LIPA: variants seen among roughly 807,000 people sequenced by gnomAD.
LIPA encodes the protein lysosomal acid lipase/cholesteryl ester hydrolase.
Under a neutral mutation model 40.6 loss-of-function variants are expected in LIPA, and 26 were observed. The ratio of observed to expected loss-of-function variants is 0.64; its 90% confidence interval spans 0.47 to 0.89. The LOEUF is 0.89. Ranked by LOEUF, LIPA falls within the 40% of genes least tolerant of loss-of-function variation. LIPA has a pLI of 0.00. For missense variants in LIPA, 455 were observed against 479.6 expected (o/e 0.95, Z 0.48); for synonymous variants, 188 against 168.4 (o/e 1.12, Z -0.90).
intron 2 of LIPA, among the ~76,000 whole-genome samples, chr10:89,385,385 A>T (rs369531512): frequency 6.6e-6 from 1 of 152,130 alleles, no homozygotes; most frequent in African/African-American, 2.4e-5. Context: ...CTATTCTTCC[A>T]CAACACATCC....
At chr10:89,233,523 C>T (rs1263120464) in intron 3 of LIPA, among the ~76,000 whole-genome samples, 5 of 152,218 alleles carry the variant, frequency 3.3e-5, no homozygotes, top group East Asian at 1.9e-4. Context: ...CATTACGTTT[C>T]GTGCAAACCT....
At chr10:89,392,751 T>G in intron 2 of LIPA, 1 of 1,610,888 alleles carries the variant, frequency 6.2e-7, no homozygotes, top group Non-Finnish European at 8.5e-7. Flanking sequence ...CCATAATGTC[T>G]AAAGTTTTTG....
At chr10:89,412,838 T>C (rs1564815553) in exon 2 of LIPA, 1 of 375,494 alleles carries the variant, frequency 2.7e-6, no homozygotes, top group Non-Finnish European at 5.3e-6. Flanking sequence ...AGGAACAAAC[T>C]CCAGACACGC....
intron 2 of LIPA, among the ~76,000 whole-genome samples, chr10:89,398,122 T>C (rs1371040462): frequency 6.6e-6 from 1 of 152,122 alleles, no homozygotes; most frequent in African/African-American, 2.4e-5. Context: ...CGGGAAAAAC[T>C]ATAGGGAAAG....
intron 1 of LIPA, among the ~76,000 whole-genome samples, chr10:89,271,465 C>A (rs60230809): frequency 0.012 from 1,819 of 152,224 alleles, 47 homozygotes; most frequent in African/African-American, 0.041. Context: ...AACCAGCAGG[C>A]TTAAAAAAGG....
At position 89,215,005 on chromosome 10, in the gene LIPA, G is replaced by A. The variant is rs747984396; in HGVS notation, c.1023C>T (p.Ser341=). The part of the protein sequence containing the change: ...KDMLVPTAVW[S]GGHDWLADVY... ...CATCTGCAAGCCAGTCGTGACCCCC[G>A]CTCCAGACTGCAGTCGGCACAAGCA... Residue 341 remains serine (S), a synonymous_variant, in exon 10 of 10, where the codon AGC becomes AGT. Coordinates refer to ENST00000336233, the MANE Select transcript of LIPA (RefSeq NM_000235.4). The A allele has an allele frequency of 2.3e-5, 37 of 1,613,968 alleles. No homozygotes were observed. Among genetic ancestry groups the A allele is most frequent in the African/African-American group, 1.9e-4 (14 of 74,910 alleles).
At position 89,214,959 on chromosome 10, in the gene LIPA, G is replaced by A. The variant is rs762412007; in HGVS notation, c.1069C>T (p.Leu357=). Residue 357 remains leucine, a synonymous_variant, in exon 10 of 10, where the codon CTG becomes TTG. Coordinates refer to ENST00000336233, the MANE Select transcript of LIPA (RefSeq NM_000235.4). Reference sequence around the variant, plus strand: ...AACACCAAGTTGGTGATCTGAGTCAGTAAGATATTGACGTCGTAGACATCT... The same window carrying A: ...AACACCAAGTTGGTGATCTGAGTCAATAAGATATTGACGTCGTAGACATCT... ...LADVYDVNIL[L]TQITNLVFHE... The A allele has an allele frequency of 6.2e-7, 1 of 1,614,022 alleles. No individual in the cohort carries two copies. Among genetic ancestry groups the A allele is most frequent in the Non-Finnish European group, 8.5e-7 (1 of 1,179,884 alleles).
At chr10:89,392,472 C>CCG (rs1844268124) in intron 2 of LIPA, 1 of 104,502 alleles carries the variant, frequency 9.6e-6, no homozygotes, top group South Asian at 2.7e-4. Context: ...TCATTCCCCA[C>CCG]CCCCCCCCGT....
intron 2 of LIPA, among the ~76,000 whole-genome samples, chr10:89,378,963 G>A (rs1020157706): frequency 2.6e-5 from 4 of 152,172 alleles, no homozygotes; most frequent in Admixed American, 6.5e-5. Flanking sequence ...GCCTAGAGAG[G>A]AGACTGGCCC....
chr10:89,353,618 A>G (rs1843971854), intron 2 of LIPA, among the ~76,000 whole-genome samples: 1 of 152,210 alleles, frequency 6.6e-6, no homozygotes, highest in Non-Finnish European at 1.5e-5. Flanking sequence ...GCAAACCCCA[A>G]GTCAAAGGTT....
At chr10:89,383,708 C>A in intron 2 of LIPA, 1 of 1,614,198 alleles carries the variant, frequency 6.2e-7, no homozygotes, top group Non-Finnish European at 8.5e-7. Context: ...GCAAATCCTT[C>A]CCGCTATAGA....
At chr10:89,286,785 T>C (rs1293337388) in intron 1 of LIPA, among the ~76,000 whole-genome samples, 5 of 152,258 alleles carry the variant, frequency 3.3e-5, no homozygotes, top group African/African-American at 1.2e-4. Flanking sequence ...TTAATTAACC[T>C]TGCCTTCAAG....
At chr10:89,220,132 A>C (rs1033228806) in intron 8 of LIPA, among the ~76,000 whole-genome samples, 1 of 152,162 alleles carries the variant, frequency 6.6e-6, no homozygotes, top group African/African-American at 2.4e-5. Flanking sequence ...TGTAATATAA[A>C]ATAGAGTTGG....
At chr10:89,324,752 A>G (rs1358788728) in intron 1 of LIPA, among the ~76,000 whole-genome samples, 2 of 152,238 alleles carry the variant, frequency 1.3e-5, no homozygotes, top group African/African-American at 4.8e-5. Context: ...CATGCGGCCA[A>G]TAAGAATATG....
intron 8 of LIPA, 51 bp from the exon 9 acceptor site, chr10:89,216,060 T>C: frequency 8.1e-7 from 1 of 1,227,856 alleles, no homozygotes; most frequent in Non-Finnish European, 1.2e-6. Flanking sequence ...AAGTTAGAGA[T>C]AACATCATAG....
intron 1 of LIPA, chr10:89,307,392 G>A (rs763222492): frequency 6.4e-7 from 1 of 1,561,082 alleles, no homozygotes; most frequent in South Asian, 1.2e-5. Context: ...GAGATGTGGT[G>A]CCCACTAGGC....
rs775756065 is a variant in LIPA, at chr10:89,383,710, C to T, written c.61+29081G>A. 8.1e-6 allele frequency: 13 copies of T among 1,614,160 alleles called. No individual in the cohort carries two copies. The Admixed American group carries it at 1.0e-4, about 12-fold the overall frequency. ...TTGCAAGAAGTTTGCAAATCCTTCC[C>T]GCTATAGAATGGAGTGTCCAGAGGT... On this transcript the variant is annotated intron_variant, in intron 2 of 8. Transcript: ENST00000371837.
chr10:89,218,846 C>A (rs79002645), intron 8 of LIPA, among the ~76,000 whole-genome samples: 1,638 of 152,284 alleles, frequency 0.011, 13 homozygotes, highest in Non-Finnish European at 0.018. Context: ...CTTTATTTAG[C>A]AGCTGTATTT....
At chr10:89,409,122 A>G (rs998679463) in intron 2 of LIPA, among the ~76,000 whole-genome samples, 2 of 152,212 alleles carry the variant, frequency 1.3e-5, no homozygotes, top group African/African-American at 4.8e-5. Context: ...CTAGAGGGTC[A>G]ATTGATTCTA....
Sources: gnomAD v4.1 joint callset for allele counts (sites outside exome capture counted in the v4.1 genomes callset) on GRCh38, gnomAD v4.1.1 for gene constraint, MANE v1.5 for transcripts, NCBI Gene and HGNC (gene_info 2026-07-23, HGNC 2026-07-21) for gene names.